Variants in PCDH9 observed in about 807,000 individuals in gnomAD.
PCDH9 encodes the protein protocadherin 9, also known as protocadherin-9.
A neutral mutation model predicts 70.6 loss-of-function variants in PCDH9; 24 were observed. That is an observed-to-expected ratio of 0.34 (90% CI 0.25 to 0.48). The LOEUF is 0.48. Ranked by LOEUF, PCDH9 falls within the 20% of genes least tolerant of loss-of-function variation. The pLI is 0.99. For missense variants in PCDH9, 1,281 were observed against 1,503.6 expected (o/e 0.85, Z 2.45); for synonymous variants, 562 against 558.5 (o/e 1.01, Z -0.09).
intron 3 of PCDH9, among the ~76,000 whole-genome samples, chr13:66,845,627 C>T (rs1220428680): frequency 1.3e-5 from 2 of 152,140 alleles, no homozygotes; most frequent in Admixed American, 6.6e-5. Flanking sequence ...TGGGCAGCAG[C>T]CGCTGCACCT....
chr13:66,908,333 C>G (rs2082398929), intron 2 of PCDH9, among the ~76,000 whole-genome samples: 1 of 152,194 alleles, frequency 6.6e-6, no homozygotes, highest in Non-Finnish European at 1.5e-5. Context: ...TTCTCCTGCT[C>G]TCTCTCTGGA....
chr13:66,401,989 C>T (rs948338260), intron 4 of PCDH9, among the ~76,000 whole-genome samples: 2 of 152,184 alleles, frequency 1.3e-5, no homozygotes, highest in Non-Finnish European at 2.9e-5. Flanking sequence ...TATTCATTAT[C>T]CAAGCTTTGC....
chr13:66,935,008 C>A (rs2082892291), intron 2 of PCDH9, among the ~76,000 whole-genome samples: 1 of 151,874 alleles, frequency 6.6e-6, no homozygotes, highest in Non-Finnish European at 1.5e-5. Flanking sequence ...GCGTGAGCCA[C>A]CGCGCCCGGC....
intron 3 of PCDH9, among the ~76,000 whole-genome samples, chr13:66,638,568 A>G (rs2077669939): frequency 6.6e-6 from 1 of 152,202 alleles, no homozygotes; most frequent in African/African-American, 2.4e-5. Flanking sequence ...TGTCTTAATG[A>G]GCAATTTTTT....
chr13:66,947,965 G>A (rs938877917), intron 2 of PCDH9, among the ~76,000 whole-genome samples: 1 of 152,072 alleles, frequency 6.6e-6, no homozygotes, highest in African/African-American at 2.4e-5. Context: ...CTAACCTAGA[G>A]GAAAATAGAA....
At chr13:67,090,285 C>G (rs9540993) in intron 2 of PCDH9, among the ~76,000 whole-genome samples, 15,306 of 151,940 alleles carry the variant, frequency 0.1, 838 homozygotes, top group Non-Finnish European at 0.12. Context: ...CAGGGTAGGA[C>G]TTCATACTCA....
intron 2 of PCDH9, among the ~76,000 whole-genome samples, chr13:66,987,910 A>AT (rs2083927424): frequency 1.3e-5 from 2 of 151,694 alleles, no homozygotes; most frequent in African/African-American, 4.8e-5. Context: ...TTTTGTTTTT[A>AT]TTTTTTGAGA....
chr13:66,846,116 A>T (rs1387268774), intron 3 of PCDH9, among the ~76,000 whole-genome samples: 2 of 111,826 alleles, frequency 1.8e-5, no homozygotes, highest in East Asian at 5.8e-4. Context: ...CACATAGATA[A>T]TGCAGGGGGA....
At chr13:66,670,592 G>C (rs2139037071) in intron 3 of PCDH9, among the ~76,000 whole-genome samples, 1 of 152,130 alleles carries the variant, frequency 6.6e-6, no homozygotes, top group Middle Eastern at 3.4e-3. Flanking sequence ...CAGATGATTG[G>C]TACTCAGTTA....
intron 4 of PCDH9, among the ~76,000 whole-genome samples, chr13:66,374,741 C>T (rs575242597): frequency 3.0e-4 from 46 of 152,090 alleles, no homozygotes; most frequent in Non-Finnish European, 5.9e-4. Flanking sequence ...AAGATCGCAG[C>T]TCAGGGGTAT....
chr13:66,773,193 T>C (rs1223116005), intron 3 of PCDH9, among the ~76,000 whole-genome samples: 76 of 152,176 alleles, frequency 5.0e-4, no homozygotes, highest in Admixed American at 4.9e-3. Context: ...GGCTTTCCAA[T>C]AGAATTTCCT....
intron 2 of PCDH9, among the ~76,000 whole-genome samples, chr13:67,179,256 C>T (rs2088552372): frequency 6.6e-6 from 1 of 152,040 alleles, no homozygotes; most frequent in Non-Finnish European, 1.5e-5. Context: ...TAGTAGTTGT[C>T]AGAGCCAGTG....
intron 2 of PCDH9, among the ~76,000 whole-genome samples, chr13:67,049,416 A>T (rs1452103714): frequency 6.6e-6 from 1 of 152,208 alleles, no homozygotes. Flanking sequence ...TAGGGATAAA[A>T]CCTATTCCAA....
At chr13:66,950,776 A>G in intron 2 of PCDH9, among the ~76,000 whole-genome samples, 1 of 152,036 alleles carries the variant, frequency 6.6e-6, no homozygotes, top group East Asian at 1.9e-4. Flanking sequence ...AACAATTAAA[A>G]CCATGTGAAG....
intron 4 of PCDH9, among the ~76,000 whole-genome samples, chr13:66,566,668 T>C (rs2076656498): frequency 6.6e-6 from 1 of 152,198 alleles, no homozygotes; most frequent in Non-Finnish European, 1.5e-5. Flanking sequence ...ATAGTTGATA[T>C]GTCAAAGTGA....
At chr13:66,676,988 C>T (rs115052121) in intron 3 of PCDH9, among the ~76,000 whole-genome samples, 3,266 of 152,048 alleles carry the variant, frequency 0.021, 88 homozygotes, top group African/African-American at 0.061. Flanking sequence ...TATTCAAAGT[C>T]GGTATGCGGA....
At chr13:66,868,712 A>T (rs74383099) in intron 3 of PCDH9, among the ~76,000 whole-genome samples, 7 of 152,204 alleles carry the variant, frequency 4.6e-5, no homozygotes, top group African/African-American at 1.7e-4. Flanking sequence ...ATTAAGAGAC[A>T]TATGACATGA....
At chr13:66,531,473 G>A (rs901389231) in intron 4 of PCDH9, among the ~76,000 whole-genome samples, 5 of 151,988 alleles carry the variant, frequency 3.3e-5, no homozygotes, top group South Asian at 2.1e-4. Flanking sequence ...TAAAATAAAC[G>A]GATAGTATGT....
intron 4 of PCDH9, among the ~76,000 whole-genome samples, chr13:66,473,844 C>T (rs1053511299): frequency 2.0e-5 from 3 of 152,122 alleles, no homozygotes; most frequent in African/African-American, 4.8e-5. Flanking sequence ...ATCTGGCTCT[C>T]TATCTCCTGT....
Sources: gnomAD v4.1 joint callset for allele counts (sites outside exome capture counted in the v4.1 genomes callset) on GRCh38, gnomAD v4.1.1 for gene constraint, MANE v1.5 for transcripts, NCBI Gene and HGNC (gene_info 2026-07-23, HGNC 2026-07-21) for gene names.